PRIM2: variants seen among roughly 807,000 people sequenced by gnomAD.
PRIM2 encodes the protein DNA primase large subunit.
A neutral mutation model predicts 67.3 loss-of-function variants in PRIM2; 39 were observed. The observed-to-expected ratio is 0.58, with a 90% CI of 0.45 to 0.76. The LOEUF is 0.76. Ranked by LOEUF, PRIM2 falls within the 30% of genes least tolerant of loss-of-function variation. The pLI is 0.00. For missense variants in PRIM2, 398 were observed against 598.7 expected, an observed-to-expected ratio of 0.66 and a Z score of 3.50; for synonymous variants, 143 against 198.7, an observed-to-expected ratio of 0.72 and a Z score of 2.36.
intron 10 of PRIM2, among the ~76,000 whole-genome samples, chr6:57,598,014 C>T (rs1776397803): frequency 6.6e-6 from 1 of 152,140 alleles, no homozygotes; most frequent in Admixed American, 6.6e-5. Context: ...GTTAAAGAAT[C>T]ATAGGAGTAA....
chr6:57,431,209 G>A (rs1306347929), intron 7 of PRIM2, among the ~76,000 whole-genome samples: 9 of 149,714 alleles, frequency 6.0e-5, no homozygotes, highest in Non-Finnish European at 1.3e-4. Flanking sequence ...ACTATTCTTA[G>A]GTTTCTGTTA....
chr6:57,274,069 G>C, the PRIM2 span, among the ~76,000 whole-genome samples: 7 of 152,194 alleles, frequency 4.6e-5, no homozygotes, highest in Admixed American at 3.3e-4. Flanking sequence ...GGCTACTCAG[G>C]GGTCAGGGAC....
chr6:57,464,885 A>G (rs1239891190), intron 7 of PRIM2, among the ~76,000 whole-genome samples: 1 of 152,174 alleles, frequency 6.6e-6, no homozygotes, highest in Non-Finnish European at 1.5e-5. Context: ...ACTTTAAGGT[A>G]GGTACTATTA....
chr6:57,226,156 A>G, the PRIM2 span, among the ~76,000 whole-genome samples: 1 of 152,256 alleles, frequency 6.6e-6, no homozygotes, highest in Non-Finnish European at 1.5e-5. Context: ...TAATGTGTTA[A>G]GGGAGACCAA....
intron 13 of PRIM2, 39 bp downstream of exon 13, chr6:57,632,240 C>G: frequency 8.2e-7 from 1 of 1,219,828 alleles, no homozygotes. Context: ...AATTATTTGT[C>G]TTTTGTTACT....
At chr6:57,417,978 A>G (rs1191554067) in intron 7 of PRIM2, among the ~76,000 whole-genome samples, 1 of 152,222 alleles carries the variant, frequency 6.6e-6, no homozygotes, top group African/African-American at 2.4e-5. Context: ...GAGCACAAAG[A>G]TTATAAATCA....
intron 10 of PRIM2, among the ~76,000 whole-genome samples, chr6:57,595,596 A>T (rs1776351778): frequency 6.6e-6 from 1 of 151,994 alleles, no homozygotes; most frequent in Non-Finnish European, 1.5e-5. Context: ...GGTTACCACA[A>T]CCCCCTTCTC....
the PRIM2 span, among the ~76,000 whole-genome samples, chr6:57,241,123 C>A: frequency 6.6e-6 from 1 of 150,592 alleles, no homozygotes; most frequent in African/African-American, 2.4e-5. Flanking sequence ...ACTCGGGAGG[C>A]TGAGGCAGGA....
At chr6:57,425,939 G>A (rs1771609901) in intron 7 of PRIM2, among the ~76,000 whole-genome samples, 1 of 152,116 alleles carries the variant, frequency 6.6e-6, no homozygotes, top group South Asian at 2.1e-4. Context: ...GACCCTGAAC[G>A]TAGACTTCAG....
chr6:57,407,092 T>C (rs1455755358), intron 7 of PRIM2, among the ~76,000 whole-genome samples: 1 of 151,968 alleles, frequency 6.6e-6, no homozygotes, highest in African/African-American at 2.4e-5. Context: ...CCGAATGTTA[T>C]CTTCTTTAAC....
chr6:57,540,481 A>T (rs2127471236), intron 10 of PRIM2, among the ~76,000 whole-genome samples: 1 of 152,320 alleles, frequency 6.6e-6, no homozygotes, highest in Non-Finnish European at 1.5e-5. Flanking sequence ...GGGTCCACTT[A>T]TATGTGGATT....
At chr6:57,548,374 G>A (rs1237924327) in intron 10 of PRIM2, among the ~76,000 whole-genome samples, 1 of 152,102 alleles carries the variant, frequency 6.6e-6, no homozygotes, top group Non-Finnish European at 1.5e-5. Context: ...AAGTCAGGAA[G>A]GAAAGAAATA....
At chr6:57,327,221 G>T (rs1013586448) in intron 5 of PRIM2, among the ~76,000 whole-genome samples, 1 of 152,026 alleles carries the variant, frequency 6.6e-6, no homozygotes, top group Non-Finnish European at 1.5e-5. Context: ...TGTCTTTTAG[G>T]TAGATATATG....
At chr6:57,340,420 G>A (rs12179121) in intron 5 of PRIM2, among the ~76,000 whole-genome samples, 19,194 of 151,806 alleles carry the variant, frequency 0.13, 1,328 homozygotes, top group African/African-American at 0.18. Context: ...TGTTTATTGC[G>A]GCACTATTCA....
chr6:57,442,971 C>T (rs1772248065), intron 7 of PRIM2, among the ~76,000 whole-genome samples: 2 of 152,170 alleles, frequency 1.3e-5, no homozygotes, highest in South Asian at 4.1e-4. Context: ...ACCTTCTATT[C>T]TCTGCTTCTG....
intron 3 of PRIM2, among the ~76,000 whole-genome samples, chr6:57,323,379 T>C (rs1388423019): frequency 3.3e-5 from 5 of 151,926 alleles, no homozygotes; most frequent in Admixed American, 3.3e-4. Context: ...GTGTAAGAAG[T>C]GGTTGAGGTG....
At chr6:57,426,045 T>C (rs1269106297) in intron 7 of PRIM2, among the ~76,000 whole-genome samples, 2 of 152,198 alleles carry the variant, frequency 1.3e-5, no homozygotes, top group Admixed American at 6.5e-5. Flanking sequence ...AATTCAAATA[T>C]GATAATTGAA....
chr6:57,538,065 G>C (rs1326688631), intron 10 of PRIM2, among the ~76,000 whole-genome samples: 2 of 151,932 alleles, frequency 1.3e-5, no homozygotes, highest in Non-Finnish European at 2.9e-5. Flanking sequence ...GGCTGGGCTG[G>C]AGTGCAATGG....
the PRIM2 span, among the ~76,000 whole-genome samples, chr6:57,307,729 G>A: frequency 1.3e-5 from 2 of 152,174 alleles, no homozygotes; most frequent in Non-Finnish European, 2.9e-5. Flanking sequence ...GCCACCTTGA[G>A]AGAAGCAATG....
Sources: gnomAD v4.1 joint callset for allele counts (sites outside exome capture counted in the v4.1 genomes callset) on GRCh38, gnomAD v4.1.1 for gene constraint, MANE v1.5 for transcripts, NCBI Gene and HGNC (gene_info 2026-07-23, HGNC 2026-07-21) for gene names.